RTN3: variants seen among roughly 807,000 people sequenced by gnomAD.
RTN3 encodes the protein reticulon-3.
A neutral mutation model predicts 77.8 loss-of-function variants in RTN3; 49 were observed. The ratio of observed to expected loss-of-function variants is 0.63; its 90% CI spans 0.50 to 0.80. The LOEUF (loss-of-function observed/expected upper bound fraction) is 0.80, where lower values mean the gene tolerates loss of function less well. RTN3 is among the 30% of genes least tolerant of loss of function. The probability of loss-of-function intolerance (pLI) is 0.00; values close to 1 mark genes in which losing one functional copy is unlikely to be tolerated. For synonymous variants in RTN3, 464 were observed against 446.9 expected, an observed-to-expected ratio of 1.04 and a Z score of -0.48; for missense variants, 1,236 against 1,211.9, an observed-to-expected ratio of 1.02 and a Z score of -0.29.
intron 3 of RTN3, among the ~76,000 whole-genome samples, chr11:63,731,295 G>A (rs888906520): frequency 6.6e-6 from 1 of 152,072 alleles, no homozygotes; most frequent in African/African-American, 2.4e-5. Flanking sequence ...TGCCAGGTTG[G>A]TCTCGAACTC....
At chr11:63,743,318 G>A (rs190656760) in intron 3 of RTN3, among the ~76,000 whole-genome samples, 67 of 152,262 alleles carry the variant, frequency 4.4e-4, no homozygotes, top group Non-Finnish European at 7.2e-4. Context: ...TAAGTTACTG[G>A]TAGATTACCT....
chr11:63,716,971 AAAAAAAAC>A (rs2011442398), intron 2 of RTN3, among the ~76,000 whole-genome samples: 1 of 89,326 alleles, frequency 1.1e-5, no homozygotes, highest in Non-Finnish European at 2.4e-5. Flanking sequence ...TCCGTCTCAA[AAAAAAAAC>A]AAAAAAAAAA....
chr11:63,705,849 C>G (rs188837313), intron 2 of RTN3, among the ~76,000 whole-genome samples: 9 of 152,292 alleles, frequency 5.9e-5, no homozygotes, highest in South Asian at 2.1e-4. Flanking sequence ...GTGGAGGCAA[C>G]ATTGCCAAGA....
intron 3 of RTN3, among the ~76,000 whole-genome samples, chr11:63,739,560 G>C (rs1324170099): frequency 6.6e-6 from 1 of 152,204 alleles, no homozygotes; most frequent in African/African-American, 2.4e-5. Context: ...GTCTGTATCA[G>C]TGGCTCTCTC....
chr11:63,752,584 A>G lies in RTN3; in HGVS notation c.2816A>G (p.Asn939Ser), dbSNP rs930791029. 8.1e-6 allele frequency: 13 copies of G among 1,613,210 alleles called. No individual in the cohort carries two copies. The highest frequency in any genetic ancestry group is 1.1e-5 in the South Asian group (1 of 91,056). Residue 939 changes from asparagine (N) to serine (S), a missense_variant, in exon 5 of 9, where the codon AAC becomes AGC. This residue lies in a region of RTN3 where 141 missense variants were observed against 154.9 expected (regional missense o/e 0.91). Transcript: ENST00000377819. ...NYMNAAMVHINRALKLIIRLF... is the reference protein window; with the variant it reads ...NYMNAAMVHISRALKLIIRLF... ...ATGAATGCTGCCATGGTGCACATCA[A>G]CAGGGCCCTGAAACTCATTATTCGT... is the stretch of plus-strand genomic sequence containing the variant.
Position 63,720,490 on chromosome 11 carries a change from A to G in RTN3, c.1988A>G (p.Asp663Gly), listed in dbSNP as rs780857081. The change falls in exon 3 of 9, where the codon GAT (aspartate) becomes GGT (glycine). Residue 663 changes from aspartate (D) to glycine (G), a missense_variant. Physicochemically the swap from Asp to Gly is moderately conservative, Grantham distance 94. Coordinates refer to ENST00000377819, the MANE Select transcript of RTN3 (RefSeq NM_001265589.2). The part of the protein sequence containing the change: ...DLIAAFTETR[D>G]KGIVDSERNA... ...ATAGCAGCCTTTACAGAAACCAGAG[A>G]TAAAGGAATAGTAGATAGTGAAAGA... 1 of 1,613,392 alleles carries G rather than the reference A, an allele frequency of 6.2e-7. No individual in the cohort carries two copies. The highest frequency in any genetic ancestry group is 1.3e-5 in the African/African-American group (1 of 74,870).
At chr11:63,690,387 A>G (rs1202745805) in intron 1 of RTN3, among the ~76,000 whole-genome samples, 13 of 152,248 alleles carry the variant, frequency 8.5e-5, no homozygotes, top group Admixed American at 8.5e-4. Context: ...AACTGAGCAT[A>G]CATGAAGGCT....
chr11:63,751,139 G>A (rs1051605658), intron 4 of RTN3, among the ~76,000 whole-genome samples: 14 of 152,152 alleles, frequency 9.2e-5, no homozygotes, highest in African/African-American at 3.1e-4. Flanking sequence ...ATCATGCATG[G>A]GATTACTATG....
chr11:63,752,724 T>C, intron 5 of RTN3, 79 bp downstream of exon 5: 1 of 1,455,948 alleles, frequency 6.9e-7, no homozygotes, highest in Non-Finnish European at 9.5e-7. Flanking sequence ...AAACAGTACA[T>C]AGGATTTTAT....
intron 3 of RTN3, among the ~76,000 whole-genome samples, 179 bp from the exon 4 acceptor site, chr11:63,749,812 A>C (rs962736400): frequency 6.6e-6 from 1 of 152,218 alleles, no homozygotes; most frequent in African/African-American, 2.4e-5. Flanking sequence ...CACTTGAGCC[A>C]AGAGTTCCAG....
chr11:63,755,229 T>A (rs1327638543), intron 7 of RTN3, among the ~76,000 whole-genome samples: 1 of 152,178 alleles, frequency 6.6e-6, no homozygotes, highest in Non-Finnish European at 1.5e-5. Flanking sequence ...TATACTCCAG[T>A]GTCTCTAAAG....
At chr11:63,698,264 A>G (rs1353796235) in intron 1 of RTN3, among the ~76,000 whole-genome samples, 2 of 152,046 alleles carry the variant, frequency 1.3e-5, no homozygotes, top group Admixed American at 1.3e-4. Context: ...AGCTGGGACT[A>G]CAGGAGCAAG....
At chr11:63,748,110 C>A (rs939729869) in intron 3 of RTN3, among the ~76,000 whole-genome samples, 1 of 151,184 alleles carries the variant, frequency 6.6e-6, no homozygotes, top group African/African-American at 2.4e-5. Flanking sequence ...GTCAGGAGTT[C>A]GAGACCAGCC....
intron 1 of RTN3, among the ~76,000 whole-genome samples, chr11:63,701,294 T>C (rs1942226362): frequency 6.6e-6 from 1 of 152,308 alleles, no homozygotes; most frequent in East Asian, 1.9e-4. Flanking sequence ...TATGTTGCCC[T>C]TTCATACTGG....
chr11:63,706,124 CT>C (rs763149273), intron 2 of RTN3, among the ~76,000 whole-genome samples: 1 of 151,980 alleles, frequency 6.6e-6, no homozygotes, highest in Non-Finnish European at 1.5e-5. Context: ...ATTAGTAAAA[CT>C]TTTGCCTGGT....
intron 1 of RTN3, among the ~76,000 whole-genome samples, chr11:63,697,454 C>T (rs1233132230): frequency 7.1e-6 from 1 of 141,240 alleles, no homozygotes; most frequent in Non-Finnish European, 1.5e-5. Flanking sequence ...GGGATATGTG[C>T]CACCACACCC....
chr11:63,703,020 C>T (rs1942321195), intron 1 of RTN3, among the ~76,000 whole-genome samples: 1 of 152,060 alleles, frequency 6.6e-6, no homozygotes, highest in African/African-American at 2.4e-5. Flanking sequence ...CGTAGATGGA[C>T]TATGTCTACG....
At position 63,748,888 on chromosome 11, in the gene RTN3, G is replaced by A. The variant is rs531954056; in HGVS notation, c.2531-1103G>A. On this transcript the variant is annotated intron_variant, in intron 3 of 8. Transcript: ENST00000377819. ...TCACCATGTTGGCCAGGTTGGTCTC[G>A]AACTCCTGACCTCAGGTGATCCGCC... is the stretch of plus-strand genomic sequence containing the variant. Among the ~76,000 whole-genome samples the A allele has an allele frequency of 4.5e-4, 68 of 151,680 alleles. No individual in the cohort carries two copies. The South Asian group carries it at 0.014, about 31-fold the overall frequency.
At chr11:63,757,896 A>T (rs1352351684) in intron 8 of RTN3, among the ~76,000 whole-genome samples, 2 of 151,388 alleles carry the variant, frequency 1.3e-5, no homozygotes, top group Admixed American at 6.6e-5. Context: ...CGCCTGGCTA[A>T]TTTTTGCATT....
Sources: allele counts gnomAD v4.1 joint callset (sites outside exome capture counted in the v4.1 genomes callset), GRCh38; gene constraint gnomAD v4.1.1; regional missense constraint gnomAD v4.1.1; transcripts MANE v1.5; gene names NCBI Gene and HGNC (gene_info 2026-07-23, HGNC 2026-07-21).